TRAPPC3L: variants seen among roughly 807,000 people sequenced by gnomAD.
TRAPPC3L encodes trafficking protein particle complex subunit 3-like protein.
In TRAPPC3L, 23 loss-of-function variants were observed where a neutral mutation model predicts 23.7. That is an observed-to-expected ratio of 0.97 (90% CI 0.70 to 1.37). TRAPPC3L has a LOEUF of 1.37. Ranked by LOEUF, TRAPPC3L falls within the 40% of genes most tolerant of loss-of-function variation. The pLI is 0.00. For synonymous variants in TRAPPC3L, 81 were observed against 77.9 expected, an observed-to-expected ratio of 1.04 and a Z score of -0.21; for missense variants, 212 against 216.8, an observed-to-expected ratio of 0.98 and a Z score of 0.14.
chr6:116,537,700 G>T (rs1773186568), intron 3 of TRAPPC3L, among the ~76,000 whole-genome samples: 1 of 152,186 alleles, frequency 6.6e-6, no homozygotes, highest in African/African-American at 2.4e-5. Flanking sequence ...ATTGGGCAAG[G>T]TGAGGAGCAT....
intron 3 of TRAPPC3L, among the ~76,000 whole-genome samples, chr6:116,529,416 A>G (rs1456526416): frequency 1.3e-5 from 2 of 152,236 alleles, no homozygotes; most frequent in Non-Finnish European, 2.9e-5. Context: ...TGGCTGTCTA[A>G]TGGAAGGGAA....
At chr6:116,523,339 C>T (rs1365741929) in intron 3 of TRAPPC3L, 1 of 152,094 alleles carries the variant, frequency 6.6e-6, no homozygotes, top group Non-Finnish European at 1.5e-5. Context: ...TTCTTGTAAA[C>T]TCTATTTGTA....
At chr6:116,522,740 T>C (rs1024407314) in intron 3 of TRAPPC3L, 3 of 152,172 alleles carry the variant, frequency 2.0e-5, no homozygotes, top group African/African-American at 4.8e-5. Flanking sequence ...TGGCCTTCAG[T>C]AAGCTGGAAA....
intron 3 of TRAPPC3L, chr6:116,512,228 C>T (rs1402918174): frequency 6.3e-7 from 1 of 1,595,674 alleles, no homozygotes; most frequent in South Asian, 1.1e-5. Context: ...CCTTCAGGCC[C>T]AGTCTCAGGT....
intron 1 of TRAPPC3L, chr6:116,543,814 A>G (rs1290064090): frequency 2.6e-6 from 4 of 1,534,064 alleles, no homozygotes; most frequent in Non-Finnish European, 3.5e-6. Flanking sequence ...ACAATCCCTA[A>G]TGGCCCCCAG....
chr6:116,509,112 A>AC (rs1772061292), intron 3 of TRAPPC3L, among the ~76,000 whole-genome samples: 1 of 139,058 alleles, frequency 7.2e-6, no homozygotes, highest in Non-Finnish European at 1.6e-5. Context: ...AAAAAAAAAA[A>AC]CCCACCGATG....
At chr6:116,498,461 T>C (rs2806719) in intron 4 of TRAPPC3L, among the ~76,000 whole-genome samples, 102,498 of 152,126 alleles carry the variant, frequency 0.67, 34,693 homozygotes, top group Middle Eastern at 0.72. Context: ...TCACAAATAA[T>C]TTAAAATTAC....
chr6:116,499,348 C>A (rs192507919), intron 4 of TRAPPC3L, among the ~76,000 whole-genome samples: 1 of 152,200 alleles, frequency 6.6e-6, no homozygotes, highest in Admixed American at 6.5e-5. Flanking sequence ...TCCAAAGTGC[C>A]CTAATCCTTT....
Position 116,516,708 on chromosome 6 carries a change from T to TAC in TRAPPC3L, c.241-16044_241-16043dup, listed in dbSNP as rs796580006. The TAC allele has an allele frequency of 1.4e-3, 168 of 119,554 alleles. 2 individuals are homozygous for TAC. Among genetic ancestry groups the TAC allele is most frequent in the South Asian group, 9.2e-3 (33 of 3,602 alleles). The allele number at this position is 119,554 out of a possible 1,614,324, so 7.4% of individuals were successfully genotyped here. ...ATATATATATATATATATATATATA[T>TAC]ACACACACACAGAAATATATATTTA... On this transcript the variant is annotated intron_variant, in intron 3 of 4. Coordinates refer to ENST00000368602, the MANE Select transcript of TRAPPC3L (RefSeq NM_001139444.3).
At chr6:116,518,074 A>G (rs1226716323) in intron 3 of TRAPPC3L, 1 of 152,174 alleles carries the variant, frequency 6.6e-6, no homozygotes, top group Non-Finnish European at 1.5e-5. Flanking sequence ...GACTGATGAT[A>G]GTAAATAAAG....
intron 3 of TRAPPC3L, among the ~76,000 whole-genome samples, chr6:116,506,672 T>C (rs1299412942): frequency 6.6e-6 from 1 of 152,148 alleles, no homozygotes; most frequent in African/African-American, 2.4e-5. Context: ...CACCAGGGAA[T>C]ACCATGCAGC....
At chr6:116,504,833 A>C (rs1424537207) in intron 3 of TRAPPC3L, among the ~76,000 whole-genome samples, 1 of 151,970 alleles carries the variant, frequency 6.6e-6, no homozygotes, top group Non-Finnish European at 1.5e-5. Flanking sequence ...CATGCTAAAA[A>C]CTCTCTATAA....
At chr6:116,510,352 G>T (rs922295680) in intron 3 of TRAPPC3L, among the ~76,000 whole-genome samples, 2 of 151,972 alleles carry the variant, frequency 1.3e-5, no homozygotes, top group Non-Finnish European at 2.9e-5. Flanking sequence ...GCATGATTTG[G>T]CTCACCACAA....
At chr6:116,542,978 A>G (rs1287136031) in intron 2 of TRAPPC3L, among the ~76,000 whole-genome samples, 3 of 152,082 alleles carry the variant, frequency 2.0e-5, no homozygotes, top group Non-Finnish European at 4.4e-5. Context: ...ATAAAATTTG[A>G]TGTTCCCTCA....
intron 3 of TRAPPC3L, among the ~76,000 whole-genome samples, chr6:116,527,355 A>G (rs566155138): frequency 4.1e-4 from 62 of 152,136 alleles, no homozygotes; most frequent in African/African-American, 1.4e-3. Context: ...GTCTCTACTA[A>G]AAATACAAAA....
chr6:116,515,119 C>T (rs1231993069), intron 3 of TRAPPC3L, among the ~76,000 whole-genome samples: 2 of 152,174 alleles, frequency 1.3e-5, no homozygotes, highest in Non-Finnish European at 2.9e-5. Context: ...ATTGTATCGT[C>T]TGTCTCCCTT....
At position 116,496,988 on chromosome 6, in the gene TRAPPC3L, T is replaced by A. The variant is rs1365856920; in HGVS notation, c.512A>T (p.Lys171Met). Residue 171 changes from lysine to methionine, a missense_variant, in exon 5 of 5, where the codon AAG (lysine) becomes ATG (methionine). Physicochemically the swap from Lys to Met is moderately conservative, Grantham distance 95. Coordinates refer to ENST00000368602, the MANE Select transcript of TRAPPC3L (RefSeq NM_001139444.3). ...VTEIGITFLK[K>M]RDEKKYRGKK ...CCCTCTATATTTTTTCTCGTCTCGC[T>A]TTTTTAGAAATGTTATTCCTATTTC... The A allele has an allele frequency of 5.2e-6, 8 of 1,546,536 alleles. No homozygotes were observed.
intron 3 of TRAPPC3L, chr6:116,516,179 G>A (rs1168208022): frequency 1.5e-6 from 1 of 672,170 alleles, no homozygotes; most frequent in Non-Finnish European, 2.2e-6. Context: ...TTGATGCTGA[G>A]GGGTGACAAA....
At chr6:116,498,525 C>G (rs2115151832) in intron 4 of TRAPPC3L, among the ~76,000 whole-genome samples, 2 of 152,346 alleles carry the variant, frequency 1.3e-5, no homozygotes, top group Middle Eastern at 6.8e-3. Flanking sequence ...TGGTTGCTAT[C>G]TGGTTCCACC....
Sources: gnomAD v4.1 joint callset for allele counts (sites outside exome capture counted in the v4.1 genomes callset) on GRCh38, gnomAD v4.1.1 for gene constraint, MANE v1.5 for transcripts, NCBI Gene and HGNC (gene_info 2026-07-23, HGNC 2026-07-21) for gene names.